Variants in LIPF observed in about 807,000 individuals in gnomAD.
LIPF encodes the protein gastric triacylglycerol lipase.
Under a neutral mutation model 38.0 loss-of-function variants are expected in LIPF, and 25 were observed. The ratio of observed to expected loss-of-function variants is 0.66; its 90% confidence interval spans 0.48 to 0.92. The LOEUF is 0.92. LIPF is among the 40% of genes least tolerant of loss of function. The pLI is 0.00. For synonymous variants in LIPF, 161 were observed against 156.2 expected (o/e 1.03, Z -0.23); for missense variants, 410 against 469.9 (o/e 0.87, Z 1.18).
chr10:88,678,788 C>T lies in LIPF; in HGVS notation c.*107C>T. 1 of 717,172 alleles carries T rather than the reference C, an allele frequency of 1.4e-6. No homozygotes were observed. Among genetic ancestry groups the T allele is most frequent in the Non-Finnish European group, 2.3e-6 (1 of 439,826 alleles). The allele number at this position is 717,172 out of a possible 1,614,324, so 44.4% of individuals were successfully genotyped here. A position where few individuals can be genotyped will look rare whatever the true frequency, so the allele number is the denominator to read the frequency against. On this transcript the variant is annotated 3_prime_UTR_variant, in exon 10 of 10. Coordinates refer to ENST00000238983, the MANE Select transcript of LIPF (RefSeq NM_004190.4). ...GCAGTGCTTCTTTCTGTAATTTTGA[C>T]TTTAGAAATATATTGGCATCAACAA...
At chr10:88,674,033 C>T (rs1187805010) in intron 7 of LIPF, among the ~76,000 whole-genome samples, 4 of 152,154 alleles carry the variant, frequency 2.6e-5, no homozygotes, top group Admixed American at 2.6e-4. Context: ...AGGACTGAAC[C>T]ATATATTTTA....
At chr10:88,670,035 T>C in intron 5 of LIPF, 89 bp downstream of exon 5, 1 of 756,126 alleles carries the variant, frequency 1.3e-6, no homozygotes, top group Admixed American at 2.3e-5. Context: ...CCACACTAAT[T>C]GCTTTCCATT....
Position 88,673,722 on chromosome 10 carries a change from G to A in LIPF, c.804G>A (p.Lys268=). The stretch of plus-strand genomic sequence containing the variant: ...TTATAATTTGTGGATTTGACAGTAA[G>A]AACTTTAACACGGTTAGTATGCATT... The part of the protein sequence containing the change: ...ALFIICGFDS[K]NFNTSRLDVY... The change falls in exon 7 of 10, where the codon AAG becomes AAA. Residue 268 remains lysine, a synonymous_variant. Transcript: ENST00000238983. 1 of 1,612,088 alleles carries A rather than the reference G, an allele frequency of 6.2e-7. No homozygotes were observed.
At chr10:88,665,454 G>A (rs1201158538) in intron 1 of LIPF, 2 of 960,922 alleles carry the variant, frequency 2.1e-6, no homozygotes, top group Admixed American at 4.0e-5. Context: ...TCCTCTGTAT[G>A]TGTTAATTAC....
At chr10:88,677,188 G>C (rs1188582232) in intron 9 of LIPF, among the ~76,000 whole-genome samples, 2 of 151,718 alleles carry the variant, frequency 1.3e-5, no homozygotes, top group South Asian at 2.1e-4. Context: ...CCTTGATTTT[G>C]CATTTTTGAT....
At chr10:88,668,357 G>A (rs930910123) in intron 3 of LIPF, among the ~76,000 whole-genome samples, 1 of 152,132 alleles carries the variant, frequency 6.6e-6, no homozygotes, top group African/African-American at 2.4e-5. Context: ...TATTTAAGGT[G>A]TGCAGTTTCA....
chr10:88,666,643 G>T (rs1387534855), intron 1 of LIPF, among the ~76,000 whole-genome samples: 1 of 152,130 alleles, frequency 6.6e-6, no homozygotes, highest in Non-Finnish European at 1.5e-5. Context: ...GATACCTTGA[G>T]GCCAGGAGTT....
intron 5 of LIPF, among the ~76,000 whole-genome samples, chr10:88,670,526 G>GT (rs1395190533): frequency 6.6e-6 from 1 of 152,192 alleles, no homozygotes; most frequent in African/African-American, 2.4e-5. Flanking sequence ...AGGTCAGAGA[G>GT]TGAGTCATGT....
At chr10:88,677,463 G>A (rs1301865661) in intron 9 of LIPF, among the ~76,000 whole-genome samples, 5 of 152,078 alleles carry the variant, frequency 3.3e-5, no homozygotes, top group Admixed American at 6.6e-5. Context: ...AAGAGCCAGG[G>A]CCAGCATCTA....
chr10:88,674,505 T>C (rs965633533), intron 7 of LIPF, among the ~76,000 whole-genome samples: 2 of 152,224 alleles, frequency 1.3e-5, no homozygotes, highest in African/African-American at 2.4e-5. Flanking sequence ...TTTCATTCAC[T>C]TTGTATTGAG....
In LIPF at chr10:88,675,590, G is replaced by A. The variant is rs79058739; in HGVS notation, c.821G>A (p.Arg274His). The change falls in exon 8 of 10, where the codon CGC becomes CAC. Residue 274 changes from arginine to histidine, a missense_variant. Physicochemically the swap from Arg to His is conservative, Grantham distance 29. Coordinates refer to ENST00000238983, the MANE Select transcript of LIPF (RefSeq NM_004190.4). ...GFDSKNFNTS[R>H]LDVYLSHNPA... ...TGTGTGTCTGTTGATTTCTAGAGTC[G>A]CTTGGATGTGTATCTATCACATAAT... 3,043 of 1,607,018 alleles carry A rather than the reference G, an allele frequency of 1.9e-3. 8 individuals are homozygous for A. Among genetic ancestry groups the A allele is most frequent in the Middle Eastern group, 2.9e-3 (17 of 5,952 alleles).
chr10:88,666,487 A>T (rs1277194170), intron 1 of LIPF, among the ~76,000 whole-genome samples: 10 of 152,214 alleles, frequency 6.6e-5, no homozygotes, highest in Admixed American at 6.5e-4. Flanking sequence ...CCAGCTTAAT[A>T]TCTGAAGATT....
At chr10:88,668,831 C>A in intron 4 of LIPF, 75 bp downstream of exon 4, 2 of 1,240,456 alleles carry the variant, frequency 1.6e-6, no homozygotes, top group Admixed American at 2.2e-5. Flanking sequence ...AATCCAGTCC[C>A]ATTTTAACAA....
In LIPF at chr10:88,666,055, G is replaced by A. The variant is rs1382995196; in HGVS notation, c.-11-1232G>A. On this transcript the variant is annotated intron_variant, in intron 1 of 9. Transcript: ENST00000238983. ...CTCTGCCAAAAACTGATTTTTAAGA[G>A]ATACCCTTAAATCTAATCCTATACT... Among the ~76,000 whole-genome samples the A allele has an allele frequency of 5.3e-5, 8 of 152,258 alleles. No individual in the cohort carries two copies. The East Asian group carries it at 1.4e-3, about 26-fold the overall frequency.
chr10:88,678,189 C>T (rs553260061), intron 9 of LIPF, among the ~76,000 whole-genome samples: 1 of 152,284 alleles, frequency 6.6e-6, no homozygotes, highest in South Asian at 2.1e-4. Context: ...GGCTGTTCCC[C>T]AGATCTACTG....
intron 5 of LIPF, 118 bp from the exon 6 acceptor site, chr10:88,671,711 G>A (rs980613810): frequency 1.5e-6 from 2 of 1,347,168 alleles, no homozygotes; most frequent in African/African-American, 1.5e-5. Flanking sequence ...AATTTCTCAG[G>A]CTGTCTCAAA....
Position 88,673,448 on chromosome 10 carries a change from T to C in LIPF, c.670-140T>C, listed in dbSNP as rs534534716. On this transcript the variant is annotated intron_variant, in intron 6 of 9. Coordinates refer to ENST00000238983, the MANE Select transcript of LIPF (RefSeq NM_004190.4). ...TTAGGGAATTAACTAAATGAAAGTA[T>C]TGGAAATTCCTAAAACAACATGTAA... 28 of 710,600 alleles carry C rather than the reference T, an allele frequency of 3.9e-5. No homozygotes were observed. The Admixed American group carries it at 4.0e-4, about 10-fold the overall frequency. The allele number at this position is 710,600 out of a possible 1,614,324, so 44.0% of individuals were successfully genotyped here.
chr10:88,671,883 A>G lies in LIPF; in HGVS notation c.587A>G (p.Tyr196Cys). 2.5e-6 allele frequency: 4 copies of G among 1,613,562 alleles called. No individual in the cohort carries two copies. The highest frequency in any genetic ancestry group is 1.1e-5 in the South Asian group (1 of 90,944). ...PSLAKRIKTF[Y>C]ALAPVATVKY... The stretch of plus-strand genomic sequence containing the variant: ...CTGGCTAAAAGAATCAAAACCTTCT[A>G]TGCTCTAGCTCCTGTTGCCACTGTG... The change falls in exon 6 of 10, where the codon TAT becomes TGT. Residue 196 changes from tyrosine (Y) to cysteine (C), a missense_variant. Coordinates refer to ENST00000238983, the MANE Select transcript of LIPF (RefSeq NM_004190.4).
chr10:88,677,566 A>C (rs1418535931), intron 9 of LIPF, among the ~76,000 whole-genome samples: 1 of 152,232 alleles, frequency 6.6e-6, no homozygotes, highest in Non-Finnish European at 1.5e-5. Flanking sequence ...AATATTTAGG[A>C]AATATAATAG....
Sources: gnomAD v4.1 joint callset for allele counts (sites outside exome capture counted in the v4.1 genomes callset) on GRCh38, gnomAD v4.1.1 for gene constraint, MANE v1.5 for transcripts, NCBI Gene and HGNC (gene_info 2026-07-23, HGNC 2026-07-21) for gene names.